The following ULK4 variants were observed in gnomAD, a reference collection of about 807,000 sequenced individuals.
ULK4 encodes inactive serine/threonine-protein kinase ULK4.
A neutral mutation model predicts 160.6 loss-of-function variants in ULK4; 133 were observed. The observed-to-expected ratio is 0.83, with a 90% CI of 0.72 to 0.96. ULK4 has a LOEUF of 0.96. Among genes scored for constraint, ULK4 ranks in the 40% least tolerant of loss-of-function variants. The probability of loss-of-function intolerance (pLI) is 0.00; values close to 1 mark genes in which losing one functional copy is unlikely to be tolerated. For synonymous variants in ULK4, 534 were observed against 539.8 expected, an observed-to-expected ratio of 0.99 and a Z score of 0.15; for missense variants, 1,580 against 1,499.5, an observed-to-expected ratio of 1.05 and a Z score of -0.89.
At chr3:41,609,690 G>A (rs962708600) in intron 31 of ULK4, among the ~76,000 whole-genome samples, 1 of 152,160 alleles carries the variant, frequency 6.6e-6, no homozygotes, top group Non-Finnish European at 1.5e-5. Flanking sequence ...CTTGTTCTCT[G>A]TCCAGGTGCA....
chr3:41,635,511 C>A (rs1198177718), intron 30 of ULK4, among the ~76,000 whole-genome samples: 1 of 151,830 alleles, frequency 6.6e-6, no homozygotes, highest in Non-Finnish European at 1.5e-5. Flanking sequence ...AAAATATAAT[C>A]CCACTATTCC....
At chr3:41,439,464 G>A (rs532675498) in intron 34 of ULK4, among the ~76,000 whole-genome samples, 2 of 152,092 alleles carry the variant, frequency 1.3e-5, no homozygotes, top group Admixed American at 1.3e-4. Context: ...CACCCAGAAA[G>A]AAATGAAAAT....
intron 31 of ULK4, among the ~76,000 whole-genome samples, chr3:41,599,109 C>A (rs559710931): frequency 6.6e-6 from 1 of 152,338 alleles, no homozygotes; most frequent in Admixed American, 6.5e-5. Flanking sequence ...TTTCTACCTC[C>A]TTCTTCCACA....
rs1170613012 is a variant in ULK4, at chr3:41,941,168, TG to T, written c.139-2972del. Among the ~76,000 whole-genome samples, 8 of 151,534 alleles carry T rather than the reference TG, an allele frequency of 5.3e-5. No homozygotes were observed. In the East Asian group the frequency reaches 1.6e-3, roughly 30 times the overall value. On this transcript the variant is annotated intron_variant, in intron 2 of 36. Coordinates refer to ENST00000301831, the MANE Select transcript of ULK4 (RefSeq NM_017886.4). ...CCTCCTCTCTCAGCCTCCAGAGTAG[TG>T]GGGACCACAGGCTTGCACCACTACA...
intron 35 of ULK4, among the ~76,000 whole-genome samples, chr3:41,312,117 G>A (rs924100856): frequency 1.3e-5 from 2 of 152,058 alleles, no homozygotes; most frequent in Non-Finnish European, 2.9e-5. Flanking sequence ...GGGGCTTACA[G>A]ATATGTACTA....
intron 22 of ULK4, among the ~76,000 whole-genome samples, chr3:41,720,467 C>G (rs777024229): frequency 6.6e-6 from 1 of 151,524 alleles, no homozygotes; most frequent in Non-Finnish European, 1.5e-5. Context: ...AGCAAAAAGA[C>G]CAACTGGAGA....
At chr3:41,568,930 G>C (rs2087876013) in intron 31 of ULK4, among the ~76,000 whole-genome samples, 1 of 152,180 alleles carries the variant, frequency 6.6e-6, no homozygotes, top group South Asian at 2.1e-4. Flanking sequence ...GTCAAGCTGG[G>C]TTTCCCATGA....
chr3:41,322,839 A>G (rs1228173233), intron 35 of ULK4, among the ~76,000 whole-genome samples: 2 of 152,220 alleles, frequency 1.3e-5, no homozygotes, highest in African/African-American at 2.4e-5. Context: ...TTATGGTGAG[A>G]ACAAGGCATA....
chr3:41,563,151 G>C (rs2087659046), intron 32 of ULK4, among the ~76,000 whole-genome samples: 1 of 152,148 alleles, frequency 6.6e-6, no homozygotes, highest in Non-Finnish European at 1.5e-5. Context: ...ATTCTGGATT[G>C]AAAATTCTTT....
chr3:41,652,496 G>A (rs1004356233), intron 30 of ULK4, among the ~76,000 whole-genome samples: 2 of 152,132 alleles, frequency 1.3e-5, no homozygotes, highest in Non-Finnish European at 2.9e-5. Context: ...AAAAAGGAGG[G>A]ATATCAGCCC....
intron 35 of ULK4, among the ~76,000 whole-genome samples, chr3:41,344,752 CAAAAAAAAAAAA>C (rs59466358): frequency 1.6e-5 from 1 of 62,820 alleles, no homozygotes; most frequent in Non-Finnish European, 3.1e-5. Flanking sequence ...GACTCTGTCT[CAAAAAAAAAAAA>C]AAAAAAAAAG....
rs554040988 is a variant in ULK4, at chr3:41,529,616, C to A, written c.3226+36409G>T. Among the ~76,000 whole-genome samples, 4 of 152,304 alleles carry A rather than the reference C, an allele frequency of 2.6e-5. No homozygotes were observed. The East Asian group carries it at 7.7e-4, about 29-fold the overall frequency. On this transcript the variant is annotated intron_variant, in intron 32 of 36. Transcript: ENST00000301831. ...TCTTGTGCCTCAGTCTCCCATGTAG[C>A]TGGGACTACAGGTGTGCAACACCCT... is the stretch of plus-strand genomic sequence containing the variant.
intron 33 of ULK4, among the ~76,000 whole-genome samples, chr3:41,456,404 TG>T (rs1443983191): frequency 2.7e-5 from 1 of 37,168 alleles, no homozygotes; most frequent in African/African-American, 1.5e-4. Context: ...AAGTGCATTC[TG>T]CTATGCTTTC....
rs141281451 is a variant in ULK4 at position 41,263,509 on chromosome 3, G to A, written c.3679-13935C>T. 8.3e-4 allele frequency among the ~76,000 whole-genome samples: 127 copies of A among 152,200 alleles called. 1 individual carries two copies. Among genetic ancestry groups the A allele is most frequent in the African/African-American group, 3.0e-3 (123 of 41,532 alleles). On this transcript the variant is annotated intron_variant, in intron 35 of 36. Transcript: ENST00000301831. ...TTTCCCCAGTTCCTCACTCGACAAG[G>A]TAAGGATACTATCAGCCACTAAACC... is the stretch of plus-strand genomic sequence containing the variant.
At chr3:41,513,022 G>T (rs183937228) in intron 32 of ULK4, among the ~76,000 whole-genome samples, 1 of 151,868 alleles carries the variant, frequency 6.6e-6, no homozygotes, top group Non-Finnish European at 1.5e-5. Context: ...TTTGGACAGG[G>T]CAAACAAAAA....
chr3:41,748,543 G>A (rs1371433596), intron 22 of ULK4, among the ~76,000 whole-genome samples: 1 of 152,078 alleles, frequency 6.6e-6, no homozygotes, highest in Non-Finnish European at 1.5e-5. Context: ...AACTTTTAAA[G>A]ACCACTTCAT....
At chr3:41,374,875 T>A (rs2081448860) in intron 35 of ULK4, among the ~76,000 whole-genome samples, 1 of 152,214 alleles carries the variant, frequency 6.6e-6, no homozygotes, top group South Asian at 2.1e-4. Flanking sequence ...CATGACTGTA[T>A]ATTTAGAAAA....
intron 27 of ULK4, among the ~76,000 whole-genome samples, chr3:41,699,471 T>A (rs1371637633): frequency 1.3e-5 from 2 of 152,228 alleles, no homozygotes; most frequent in African/African-American, 4.8e-5. Flanking sequence ...ATTTCCCCTT[T>A]GCTATTAATA....
chr3:41,911,236 A>C, intron 11 of ULK4, 81 bp downstream of exon 11: 1 of 1,354,338 alleles, frequency 7.4e-7, no homozygotes, highest in East Asian at 2.3e-5. Context: ...CTGTGTAACA[A>C]AGTTTGCACC....
Sources: allele counts gnomAD v4.1 joint callset (sites outside exome capture counted in the v4.1 genomes callset), GRCh38; gene constraint gnomAD v4.1.1; transcripts MANE v1.5; gene names NCBI Gene and HGNC (gene_info 2026-07-23, HGNC 2026-07-21).